Variants in CIB1 observed in about 807,000 individuals in gnomAD.
The protein encoded by CIB1 is calcium and integrin-binding protein 1.
A neutral mutation model predicts 25.0 loss-of-function variants in CIB1; 19 were observed. The ratio of observed to expected loss-of-function variants is 0.76; its 90% CI spans 0.53 to 1.12. CIB1 has a LOEUF of 1.12. CIB1 is among the 50% of genes most tolerant of loss of function. CIB1 has a pLI of 0.00. For missense variants in CIB1, 236 were observed against 242.6 expected, an observed-to-expected ratio of 0.97 and a Z score of 0.18; for synonymous variants, 104 against 98.5, an observed-to-expected ratio of 1.06 and a Z score of -0.33.
chr15:90,262,121 C>T, the CIB1 span: 13 of 1,535,932 alleles, frequency 8.5e-6, no homozygotes, highest in East Asian at 7.3e-5. Context: ...GAAGTATGCC[C>T]GCTTCTTCAA....
chr15:90,254,491 T>TAAAA, the CIB1 span, among the ~76,000 whole-genome samples: 2 of 84,242 alleles, frequency 2.4e-5, no homozygotes, highest in Non-Finnish European at 4.6e-5. Flanking sequence ...AGACTCCATC[T>TAAAA]AAAAAAAAAA....
chr15:90,240,821 A>AT, the CIB1 span: 2 of 949,200 alleles, frequency 2.1e-6, no homozygotes, highest in African/African-American at 1.7e-5. Context: ...CTCAAAAAAA[A>AT]AAATAAATAA....
chr15:90,255,663 CT>C, the CIB1 span: 3 of 1,575,222 alleles, frequency 1.9e-6, no homozygotes, highest in Non-Finnish European at 1.7e-6. Flanking sequence ...CTCCCTTAAC[CT>C]TCCCAATCCT....
chr15:90,258,304 G>A, the CIB1 span: 1 of 1,586,736 alleles, frequency 6.3e-7, no homozygotes, highest in Non-Finnish European at 8.7e-7. Context: ...CAAAACCAAG[G>A]TCCAGAGGCC....
the CIB1 span, chr15:90,259,023 A>G: frequency 6.3e-7 from 1 of 1,594,862 alleles, no homozygotes; most frequent in Non-Finnish European, 8.6e-7. Flanking sequence ...CTGATTTGCT[A>G]TCAAAAACAA....
chr15:90,250,205 C>T, the CIB1 span, among the ~76,000 whole-genome samples: 2 of 152,146 alleles, frequency 1.3e-5, no homozygotes, highest in East Asian at 1.9e-4. Flanking sequence ...GTGATCTGCC[C>T]GCCTCAGCCT....
chr15:90,261,760 A>G, the CIB1 span, among the ~76,000 whole-genome samples: 1 of 152,202 alleles, frequency 6.6e-6, no homozygotes, highest in Non-Finnish European at 1.5e-5. Flanking sequence ...AGCATGGGCA[A>G]CAGTGCAAGA....
chr15:90,230,546 A>G lies in CIB1; in HGVS notation c.555-41T>C, dbSNP rs866212694. ...GCGGTGGGTTTTCTGCTGGAAGAGG[A>G]GGGCAGGGACTAAACCCGAACTTGC... On this transcript the variant is annotated intron_variant, in intron 6 of 6. Coordinates refer to ENST00000328649, the MANE Select transcript of CIB1 (RefSeq NM_006384.4). 6 of 1,550,834 alleles carry G rather than the reference A, an allele frequency of 3.9e-6. No homozygotes were observed. The Middle Eastern group carries it at 1.0e-3, about 260-fold the overall frequency.
the CIB1 span, chr15:90,257,830 C>T: frequency 8.6e-7 from 1 of 1,158,442 alleles, no homozygotes; most frequent in Non-Finnish European, 1.3e-6. Context: ...CAGGGAAACT[C>T]AGCCTTTATA....
chr15:90,241,647 C>A, the CIB1 span: 2 of 1,614,222 alleles, frequency 1.2e-6, no homozygotes, highest in Non-Finnish European at 8.5e-7. Flanking sequence ...TTTGCATCTG[C>A]TCCAGGACCT....
At chr15:90,258,643 T>C in the CIB1 span, 14 of 1,027,326 alleles carry the variant, frequency 1.4e-5, no homozygotes, top group African/African-American at 2.1e-4. Context: ...GCTGAGGCCA[T>C]GGGAGAGGAA....
intron 6 of CIB1, 69 bp downstream of exon 6, chr15:90,230,865 T>A: frequency 7.5e-7 from 1 of 1,331,820 alleles, no homozygotes; most frequent in Non-Finnish European, 1.1e-6. Context: ...CCTGTAGCCA[T>A]GCCCTAGGCC....
chr15:90,253,779 G>A, the CIB1 span, among the ~76,000 whole-genome samples: 5 of 152,172 alleles, frequency 3.3e-5, no homozygotes, highest in East Asian at 3.8e-4. Context: ...GTCCTGCCTG[G>A]TGGCAAGAAA....
chr15:90,239,294 T>G, the CIB1 span, among the ~76,000 whole-genome samples: 1 of 143,308 alleles, frequency 7.0e-6, no homozygotes, highest in Non-Finnish European at 1.5e-5. Context: ...TTGATCTATA[T>G]GAGACATAAA....
the CIB1 span, chr15:90,262,609 G>A: frequency 6.5e-7 from 1 of 1,532,926 alleles, no homozygotes; most frequent in Non-Finnish European, 8.7e-7. Context: ...GCCGACCCAG[G>A]GCAGGGCTCC....
At chr15:90,261,797 C>A in the CIB1 span, among the ~76,000 whole-genome samples, 5 of 152,154 alleles carry the variant, frequency 3.3e-5, no homozygotes, top group Admixed American at 1.3e-4. Context: ...AAAAGAAAAG[C>A]AAATCAGATT....
rs542554853 is a variant in CIB1 at position 90,233,568 on chromosome 15, G to A, written c.86+101C>T. On this transcript the variant is annotated intron_variant, in intron 2 of 6. Transcript: ENST00000328649. ...CCCGGCCTCCAGCTCCCGCTCCTCT[G>A]CAGACCTCAGGCCAGCCCCCGCCCC... is the stretch of plus-strand genomic sequence containing the variant. 2.8e-6 allele frequency: 4 copies of A among 1,426,262 alleles called. No homozygotes were observed. The Admixed American group carries it at 7.9e-5, about 28-fold the overall frequency. 88.4% of individuals were successfully genotyped at this position (1,426,262 alleles called of 1,614,324 possible). A position where few individuals can be genotyped will look rare whatever the true frequency, so the allele number is the denominator to read the frequency against.
At chr15:90,251,356 C>T in the CIB1 span, among the ~76,000 whole-genome samples, 2 of 146,392 alleles carry the variant, frequency 1.4e-5, no homozygotes, top group Non-Finnish European at 3.0e-5. Flanking sequence ...TATCTCCTGA[C>T]CTTGTGATCC....
upstream of CIB1, chr15:90,234,668 A>G (rs1264177714): frequency 6.6e-6 from 1 of 152,162 alleles, no homozygotes; most frequent in African/African-American, 2.4e-5. Flanking sequence ...GGGCGCCGGC[A>G]TTTAGAAGGT....
Sources: allele counts gnomAD v4.1 joint callset (sites outside exome capture counted in the v4.1 genomes callset), GRCh38; gene constraint gnomAD v4.1.1; transcripts MANE v1.5; gene names NCBI Gene and HGNC (gene_info 2026-07-23, HGNC 2026-07-21).